ITGA1: variants seen among roughly 807,000 people sequenced by gnomAD.
ITGA1 encodes integrin alpha-1.
ITGA1 carries 85 observed loss-of-function variants against 145.9 expected under a neutral mutation model. That is an observed-to-expected ratio of 0.58 (90% confidence interval 0.49 to 0.70). ITGA1 has a LOEUF of 0.70. Among genes scored for constraint, ITGA1 ranks in the 30% least tolerant of loss-of-function variants. ITGA1 has a pLI of 0.00. For synonymous variants in ITGA1, 520 were observed against 495.3 expected, an observed-to-expected ratio of 1.05 and a Z score of -0.66; for missense variants, 1,351 against 1,418.7, an observed-to-expected ratio of 0.95 and a Z score of 0.77.
chr5:52,904,819 C>G (rs1318736670), intron 11 of ITGA1: 1 of 148,388 alleles, frequency 6.7e-6, no homozygotes, highest in South Asian at 2.1e-4. Flanking sequence ...CGCCACTGCA[C>G]TCCAACCTGG....
intron 6 of ITGA1, among the ~76,000 whole-genome samples, chr5:52,869,651 C>CT (rs1749747433): frequency 2.6e-5 from 4 of 152,170 alleles, no homozygotes; most frequent in Non-Finnish European, 5.9e-5. Context: ...TACTGTGGCA[C>CT]AGTAAGTCCT....
intron 6 of ITGA1, among the ~76,000 whole-genome samples, chr5:52,870,148 T>C (rs1749756035): frequency 6.6e-6 from 1 of 152,254 alleles, no homozygotes; most frequent in Non-Finnish European, 1.5e-5. Context: ...ATCAATTCTT[T>C]TTCTTGATTG....
chr5:52,925,099 T>C (rs911979033), intron 18 of ITGA1, among the ~76,000 whole-genome samples, 179 bp from the exon 19 acceptor site: 1 of 152,246 alleles, frequency 6.6e-6, no homozygotes, highest in Non-Finnish European at 1.5e-5. Flanking sequence ...ATGTTTACTC[T>C]TCTCCCCTAT....
chr5:52,899,286 T>C (rs891282682), intron 11 of ITGA1, among the ~76,000 whole-genome samples: 2 of 152,218 alleles, frequency 1.3e-5, no homozygotes, highest in African/African-American at 4.8e-5. Flanking sequence ...TCCCAGTTGC[T>C]TTCTATTTTA....
chr5:52,883,099 G>A (rs1749987121), intron 7 of ITGA1, among the ~76,000 whole-genome samples: 1 of 152,148 alleles, frequency 6.6e-6, no homozygotes, highest in Non-Finnish European at 1.5e-5. Context: ...GAGGTAATTG[G>A]ACATTTACCT....
chr5:52,843,692 T>C (rs1288152859), intron 1 of ITGA1, among the ~76,000 whole-genome samples: 1 of 152,204 alleles, frequency 6.6e-6, no homozygotes, highest in Non-Finnish European at 1.5e-5. Context: ...AGGATTGTTG[T>C]GAGCTGGGTT....
At chr5:52,911,117 A>G (rs1294580103) in intron 14 of ITGA1, among the ~76,000 whole-genome samples, 1 of 136,528 alleles carries the variant, frequency 7.3e-6, no homozygotes, top group Non-Finnish European at 1.5e-5. Context: ...TATAGTATAT[A>G]GTGTATATAT....
chr5:52,916,934 C>T (rs186443556), intron 15 of ITGA1, among the ~76,000 whole-genome samples: 1 of 152,258 alleles, frequency 6.6e-6, no homozygotes, highest in Admixed American at 6.5e-5. Flanking sequence ...TATGGCCTCT[C>T]CTGCCCCAAA....
At chr5:52,952,030 A>C (rs936582814) in intron 28 of ITGA1, among the ~76,000 whole-genome samples, 7 of 152,068 alleles carry the variant, frequency 4.6e-5, no homozygotes, top group Admixed American at 2.6e-4. Context: ...TCTCTACTGA[A>C]AATACAAAAA....
In ITGA1 at chr5:52,928,355, A is replaced by G. The variant is rs550470629; in HGVS notation, c.2694+691A>G. On this transcript the variant is annotated intron_variant, in intron 20 of 28. Coordinates refer to ENST00000282588, the MANE Select transcript of ITGA1 (RefSeq NM_181501.2). The stretch of plus-strand genomic sequence containing the variant: ...CTTCAAGAAAAAGAATGCTTCAAAT[A>G]GATTGGTTTAGAACTTAATCAGAAA... Among the ~76,000 whole-genome samples the G allele has an allele frequency of 1.6e-4, 25 of 152,336 alleles. No homozygotes were observed. In the South Asian group the frequency reaches 5.2e-3, roughly 32 times the overall value.
chr5:52,844,283 C>T (rs563132494), intron 1 of ITGA1, among the ~76,000 whole-genome samples: 3 of 152,156 alleles, frequency 2.0e-5, no homozygotes, highest in Non-Finnish European at 4.4e-5. Context: ...CTCAGACTTT[C>T]CAGTCATTCC....
At chr5:52,910,983 G>GTATACTATATATAGTATGTATACTGTA (rs1239132771) in intron 14 of ITGA1, among the ~76,000 whole-genome samples, 33 of 66,060 alleles carry the variant, frequency 5.0e-4, no homozygotes, top group South Asian at 2.5e-3. Flanking sequence ...TATATAGTAT[G>GTATACTATATATAGTATGTATACTGTA]TATACTATAT....
intron 1 of ITGA1, among the ~76,000 whole-genome samples, chr5:52,794,576 G>A (rs1191127264): frequency 6.7e-6 from 1 of 148,462 alleles, no homozygotes; most frequent in Non-Finnish European, 1.5e-5. Context: ...AGGAGGTTTT[G>A]TATTATTTTG....
chr5:52,893,202 T>A (rs9647529), intron 8 of ITGA1, among the ~76,000 whole-genome samples: 1 of 152,168 alleles, frequency 6.6e-6, no homozygotes, highest in African/African-American at 2.4e-5. Context: ...TAGTCCAGTA[T>A]GTGTTTAAAA....
At chr5:52,895,119 T>C (rs1750205890) in intron 9 of ITGA1, among the ~76,000 whole-genome samples, 1 of 152,146 alleles carries the variant, frequency 6.6e-6, no homozygotes, top group Non-Finnish European at 1.5e-5. Flanking sequence ...AAAAAAATGC[T>C]GGCTATACTC....
At chr5:52,893,377 T>C (rs1013281149) in intron 8 of ITGA1, among the ~76,000 whole-genome samples, 1 of 152,196 alleles carries the variant, frequency 6.6e-6, no homozygotes, top group Non-Finnish European at 1.5e-5. Flanking sequence ...ACTTTTGAAC[T>C]GTCAGATTTT....
intron 1 of ITGA1, among the ~76,000 whole-genome samples, chr5:52,827,494 G>T (rs1192010983): frequency 6.6e-6 from 1 of 152,176 alleles, no homozygotes; most frequent in Non-Finnish European, 1.5e-5. Context: ...CTCTAATTTT[G>T]AAAGAAGTTT....
intron 24 of ITGA1, 63 bp downstream of exon 24, chr5:52,937,577 C>G (rs1579729884): frequency 9.9e-7 from 1 of 1,011,346 alleles, no homozygotes; most frequent in African/African-American, 1.6e-5. Flanking sequence ...ATGTTTAAGC[C>G]TTTTGTTCTG....
chr5:52,802,513 C>T (rs952785734), intron 1 of ITGA1: 1 of 152,006 alleles, frequency 6.6e-6, no homozygotes, highest in African/African-American at 2.4e-5. Context: ...TTATTTTTAG[C>T]TTTTTAGAAC....
Sources: allele counts gnomAD v4.1 joint callset (sites outside exome capture counted in the v4.1 genomes callset), GRCh38; gene constraint gnomAD v4.1.1; transcripts MANE v1.5; gene names NCBI Gene and HGNC (gene_info 2026-07-23, HGNC 2026-07-21).